FSHR: variants seen among roughly 807,000 people sequenced by gnomAD.
The protein encoded by FSHR is follicle stimulating hormone receptor, also known as follicle-stimulating hormone receptor.
In FSHR, 46 loss-of-function variants were observed where a neutral mutation model predicts 52.1. The ratio of observed to expected loss-of-function variants is 0.88; its 90% CI spans 0.70 to 1.13. FSHR has a LOEUF of 1.13. Ranked by LOEUF, FSHR falls within the 50% of genes most tolerant of loss-of-function variation. The probability of loss-of-function intolerance (pLI) is 0.00; values close to 1 mark genes in which losing one functional copy is unlikely to be tolerated. For synonymous variants in FSHR, 399 were observed against 309.6 expected (o/e 1.29, Z -3.03); for missense variants, 964 against 834.6 (o/e 1.16, Z -1.91).
rs540845861 is a variant in FSHR at position 48,963,633 on chromosome 2, G to T, written c.1188C>A (p.Val396=). The T allele has an allele frequency of 1.7e-5, 27 of 1,614,196 alleles. 1 individual carries two copies. In the South Asian group the frequency reaches 3.0e-4, roughly 18 times the overall value. ...CCAGGTTGCACATAAGGAACCTGGG[G>T]ACTGTGAGTTTATATTGGCTGGTAG... ...ILTTSQYKLT[V]PRFLMCNLAF... The change falls in exon 10 of 10, where the codon GTC becomes GTA. Residue 396 remains valine, a synonymous_variant. Transcript: ENST00000406846.
chr2:49,077,023 C>G (rs2103644035), intron 1 of FSHR, among the ~76,000 whole-genome samples: 1 of 152,272 alleles, frequency 6.6e-6, no homozygotes, highest in South Asian at 2.1e-4. Flanking sequence ...GTGGATCTAC[C>G]ATTCTGGGGT....
intron 1 of FSHR, among the ~76,000 whole-genome samples, chr2:49,087,070 G>GTTTTTTTTGTTTTTT (rs1670423426): frequency 1.2e-5 from 1 of 86,728 alleles, no homozygotes; most frequent in African/African-American, 4.3e-5. Context: ...TGTGGGCAGG[G>GTTTTTTTTGTTTTTT]TTTTTTTTTT....
intron 4 of FSHR, among the ~76,000 whole-genome samples, chr2:49,002,896 T>A (rs1666954585): frequency 6.6e-6 from 1 of 152,148 alleles, no homozygotes; most frequent in Non-Finnish European, 1.5e-5. Flanking sequence ...TGTGTCTATG[T>A]GGCTCCTGTG....
chr2:49,136,600 C>T (rs542052035), intron 1 of FSHR, among the ~76,000 whole-genome samples: 1 of 152,064 alleles, frequency 6.6e-6, no homozygotes, highest in Admixed American at 6.6e-5. Flanking sequence ...AATGTAAATT[C>T]AAAAGTCCTC....
intron 2 of FSHR, among the ~76,000 whole-genome samples, chr2:49,029,448 G>C (rs769707495): frequency 2.6e-5 from 4 of 152,204 alleles, no homozygotes; most frequent in Non-Finnish European, 5.9e-5. Context: ...AGCTCTCTAA[G>C]CTCTAGAAAT....
intron 1 of FSHR, among the ~76,000 whole-genome samples, chr2:49,148,217 T>C (rs1235378501): frequency 1.3e-5 from 2 of 152,102 alleles, no homozygotes; most frequent in African/African-American, 4.8e-5. Context: ...GCCTAGAGTA[T>C]AGAATATTCA....
chr2:49,010,769 G>T (rs896835662), intron 4 of FSHR, among the ~76,000 whole-genome samples: 1 of 152,114 alleles, frequency 6.6e-6, no homozygotes, highest in Non-Finnish European at 1.5e-5. Flanking sequence ...GAATGTATGT[G>T]TCAAGGAATT....
chr2:49,115,590 G>A (rs891305282), intron 1 of FSHR, among the ~76,000 whole-genome samples: 1 of 152,178 alleles, frequency 6.6e-6, no homozygotes, highest in African/African-American at 2.4e-5. Flanking sequence ...TTTTAGTGAT[G>A]GAGCTGGGAT....
chr2:49,071,472 A>C (rs547438896), intron 1 of FSHR, among the ~76,000 whole-genome samples: 1 of 152,214 alleles, frequency 6.6e-6, no homozygotes, highest in African/African-American at 2.4e-5. Context: ...CTTCTGAACA[A>C]ATTTAATTAG....
At chr2:49,152,202 T>A (rs77005688) in intron 1 of FSHR, among the ~76,000 whole-genome samples, 3,258 of 152,270 alleles carry the variant, frequency 0.021, 47 homozygotes, top group Non-Finnish European at 0.03. Flanking sequence ...CTTTGTCCTC[T>A]AATACGTACA....
intron 2 of FSHR, among the ~76,000 whole-genome samples, chr2:49,042,845 A>G (rs758200721): frequency 1.3e-5 from 2 of 152,194 alleles, no homozygotes; most frequent in African/African-American, 2.4e-5. Context: ...CCATTTTCAT[A>G]TAAATAGAGG....
chr2:49,062,635 A>G (rs1291110880), intron 2 of FSHR, among the ~76,000 whole-genome samples: 1 of 152,098 alleles, frequency 6.6e-6, no homozygotes, highest in Non-Finnish European at 1.5e-5. Context: ...AACCTTCAGA[A>G]TGGGAGAAAA....
intron 1 of FSHR, among the ~76,000 whole-genome samples, chr2:49,113,121 G>C (rs1169529797): frequency 6.6e-6 from 1 of 152,146 alleles, no homozygotes; most frequent in Non-Finnish European, 1.5e-5. Context: ...AGACAATGTG[G>C]TAAGGGTACT....
chr2:49,096,185 A>G (rs1670816046), intron 1 of FSHR, among the ~76,000 whole-genome samples: 1 of 152,222 alleles, frequency 6.6e-6, no homozygotes, highest in African/African-American at 2.4e-5. Context: ...ATCATTCACA[A>G]TAGTCAAAAT....
chr2:49,087,807 C>T (rs1248673263), intron 1 of FSHR, among the ~76,000 whole-genome samples: 1 of 152,138 alleles, frequency 6.6e-6, no homozygotes, highest in African/African-American at 2.4e-5. Flanking sequence ...ATCTACGTGA[C>T]ACACATTATC....
intron 2 of FSHR, among the ~76,000 whole-genome samples, chr2:49,062,633 G>A (rs1669356852): frequency 1.3e-5 from 2 of 151,982 alleles, no homozygotes; most frequent in African/African-American, 4.8e-5. Context: ...CCAACCTTCA[G>A]AATGGGAGAA....
Position 48,979,694 on chromosome 2 carries a change from T to C in FSHR, c.668+3218A>G, listed in dbSNP as rs375998233. Among the ~76,000 whole-genome samples the C allele has an allele frequency of 4.6e-5, 7 of 152,302 alleles. No homozygotes were observed. In the South Asian group the frequency reaches 1.5e-3, roughly 32 times the overall value. On this transcript the variant is annotated intron_variant, in intron 8 of 9. Transcript: ENST00000406846. ...CTCCAGATCTCCCCATGGGATCAGCTGAGCCTTTTGTTGCAAATGCATTAC... is the reference window on the plus strand; with the variant it reads ...CTCCAGATCTCCCCATGGGATCAGCCGAGCCTTTTGTTGCAAATGCATTAC...
At chr2:49,021,413 C>A (rs189413030) in intron 2 of FSHR, among the ~76,000 whole-genome samples, 1 of 152,242 alleles carries the variant, frequency 6.6e-6, no homozygotes, top group East Asian at 1.9e-4. Context: ...AGTTTTAATG[C>A]GGCAGCTGAG....
At chr2:48,968,559 T>C in intron 9 of FSHR, 139 bp downstream of exon 9, 1 of 987,796 alleles carries the variant, frequency 1.0e-6, no homozygotes, top group Non-Finnish European at 1.6e-6. Flanking sequence ...AACTGAATTT[T>C]TGACCCAGAA....
Sources: allele counts gnomAD v4.1 joint callset (sites outside exome capture counted in the v4.1 genomes callset), GRCh38; gene constraint gnomAD v4.1.1; transcripts MANE v1.5; gene names NCBI Gene and HGNC (gene_info 2026-07-23, HGNC 2026-07-21).